Variants in RAD52 observed in about 807,000 individuals in gnomAD.
RAD52 encodes DNA repair protein RAD52 homolog.
A neutral mutation model predicts 55.5 loss-of-function variants in RAD52; 47 were observed. That is an observed-to-expected ratio of 0.85 (90% CI 0.67 to 1.08). The LOEUF (loss-of-function observed/expected upper bound fraction) is 1.08, where lower values mean the gene tolerates loss of function less well. Ranked by LOEUF, RAD52 falls within the 50% of genes least tolerant of loss-of-function variation. RAD52 has a pLI of 0.00. For synonymous variants in RAD52, 184 were observed against 198.9 expected, an observed-to-expected ratio of 0.92 and a Z score of 0.63; for missense variants, 468 against 522.8, an observed-to-expected ratio of 0.90 and a Z score of 1.02.
rs1956136520 is a variant in RAD52 at position 912,361 on chromosome 12, C to CTGTT, written c.*1026_*1029dup. The stretch of plus-strand genomic sequence containing the variant: ...CAGTGTATCTTCTTATACAAAAACT[C>CTGTT]TGTTTCATGCACAAAATTATGTGTA... On this transcript the variant is annotated 3_prime_UTR_variant, in exon 12 of 12. Coordinates refer to ENST00000358495, the MANE Select transcript of RAD52 (RefSeq NM_134424.4). The CTGTT allele has an allele frequency of 4.9e-6, 1 of 202,330 alleles. No individual in the cohort carries two copies. The highest frequency in any genetic ancestry group is 6.0e-5 in the Admixed American group (1 of 16,708). 12.5% of individuals were successfully genotyped at this position (202,330 alleles called of 1,614,324 possible).
At chr12:959,815 G>T (rs115434146) in intron 1 of RAD52, among the ~76,000 whole-genome samples, 549 of 152,292 alleles carry the variant, frequency 3.6e-3, no homozygotes, top group African/African-American at 0.013. Flanking sequence ...GTTAGGGTTG[G>T]TTGCTGGCTT....
At chr12:914,144 C>T (rs370941837) in intron 10 of RAD52, 23 bp from the exon 11 acceptor site, 26 of 1,582,422 alleles carry the variant, frequency 1.6e-5, no homozygotes, top group East Asian at 4.5e-5. Context: ...AGGAAAAGTG[C>T]GTCATCAGCA....
intron 1 of RAD52, among the ~76,000 whole-genome samples, chr12:971,049 A>G (rs541587335): frequency 2.3e-4 from 35 of 152,302 alleles, no homozygotes; most frequent in African/African-American, 7.9e-4. Context: ...GAATTTTATC[A>G]TTGCATATGC....
At chr12:971,759 T>G (rs977359670) in intron 1 of RAD52, among the ~76,000 whole-genome samples, 3 of 152,298 alleles carry the variant, frequency 2.0e-5, no homozygotes, top group African/African-American at 7.2e-5. Flanking sequence ...TTTGGAATTT[T>G]TTTTTTTTGA....
chr12:922,200 A>AAC (rs1555170803), intron 7 of RAD52, among the ~76,000 whole-genome samples: 3 of 147,236 alleles, frequency 2.0e-5, no homozygotes, highest in Admixed American at 6.8e-5. Flanking sequence ...TTAAAAAAAA[A>AAC]AAAAAAAAAA....
intron 1 of RAD52, among the ~76,000 whole-genome samples, chr12:939,711 A>G (rs978670280): frequency 1.3e-5 from 2 of 152,246 alleles, no homozygotes; most frequent in African/African-American, 4.8e-5. Flanking sequence ...ATGTTTCTCA[A>G]TCTCTCATCT....
intron 1 of RAD52, among the ~76,000 whole-genome samples, chr12:973,132 C>G (rs193114989): frequency 3.3e-5 from 5 of 151,214 alleles, no homozygotes; most frequent in African/African-American, 4.9e-5. Context: ...TGCAGTGGCG[C>G]GATCTCGGCT....
chr12:967,144 C>T (rs925354459), intron 1 of RAD52, among the ~76,000 whole-genome samples: 8 of 151,966 alleles, frequency 5.3e-5, no homozygotes, highest in African/African-American at 1.7e-4. Context: ...TTTGGAAGGC[C>T]GAGGTGGGCA....
chr12:941,340 C>T (rs1957909026), intron 1 of RAD52, among the ~76,000 whole-genome samples: 1 of 151,660 alleles, frequency 6.6e-6, no homozygotes, highest in Non-Finnish European at 1.5e-5. Flanking sequence ...TTTTTTGAGA[C>T]AGAGTTTCAC....
At chr12:944,900 T>C (rs1285068552) in intron 1 of RAD52, among the ~76,000 whole-genome samples, 1 of 151,894 alleles carries the variant, frequency 6.6e-6, no homozygotes, top group Non-Finnish European at 1.5e-5. Context: ...ACTCTGGATA[T>C]ACAGATCAAG....
chr12:945,160 G>A (rs574470730), intron 1 of RAD52, among the ~76,000 whole-genome samples: 4 of 152,006 alleles, frequency 2.6e-5, no homozygotes, highest in Admixed American at 6.6e-5. Flanking sequence ...AGACCAGCCC[G>A]GCTAACATGA....
intron 9 of RAD52, 147 bp downstream of exon 9, chr12:916,197 T>G: frequency 7.0e-7 from 1 of 1,419,652 alleles, no homozygotes; most frequent in South Asian, 1.6e-5. Flanking sequence ...TTTCCTGGGC[T>G]CATCTCTCCT....
intron 1 of RAD52, among the ~76,000 whole-genome samples, chr12:971,638 T>C (rs1057054204): frequency 6.6e-6 from 1 of 152,226 alleles, no homozygotes; most frequent in South Asian, 2.1e-4. Flanking sequence ...GATAATAAAT[T>C]TTGCTAGTCT....
At chr12:966,085 T>C (rs1460011746) in intron 1 of RAD52, among the ~76,000 whole-genome samples, 1 of 152,070 alleles carries the variant, frequency 6.6e-6, no homozygotes, top group Non-Finnish European at 1.5e-5. Flanking sequence ...CAAGCCATCC[T>C]CCCAACTCAG....
At chr12:935,833 A>G (rs1223167611) in intron 1 of RAD52, among the ~76,000 whole-genome samples, 3 of 151,206 alleles carry the variant, frequency 2.0e-5, no homozygotes, top group Non-Finnish European at 4.4e-5. Context: ...CGCCTGGGAA[A>G]CAAGAGTGAA....
In RAD52 at chr12:931,283, C is replaced by G. The variant is rs1957315738; in HGVS notation, c.123G>C (p.Lys41Asn). The change falls in exon 3 of 12, where the codon AAG (lysine) becomes AAC (asparagine). Residue 41 changes from lysine to asparagine, a missense_variant. By Grantham distance (94) the Lys-to-Asn change is moderately conservative (BLOSUM62 0). Transcript: ENST00000358495. ...CTGGGCCCAGCCTCTGCCTCAGGGC[C>G]TTCTGGATGGCCTGGTACTCTTCTG... ...YTAEEYQAIQ[K>N]ALRQRLGPEY... is the part of the protein sequence containing the mutation. The G allele has an allele frequency of 6.2e-7, 1 of 1,612,196 alleles. No individual in the cohort carries two copies. The highest frequency in any genetic ancestry group is 8.5e-7 in the Non-Finnish European group (1 of 1,179,396).
intron 1 of RAD52, among the ~76,000 whole-genome samples, chr12:987,549 A>C (rs1959102098): frequency 6.9e-6 from 1 of 145,866 alleles, no homozygotes; most frequent in Non-Finnish European, 1.5e-5. Context: ...CCCTTTGTAT[A>C]TTTATTGTTT....
chr12:913,629 C>A (rs1421943216), intron 11 of RAD52, among the ~76,000 whole-genome samples, 177 bp from the exon 12 acceptor site: 5 of 152,198 alleles, frequency 3.3e-5, no homozygotes, highest in Non-Finnish European at 7.3e-5. Flanking sequence ...TCATGACAGA[C>A]CTGCTGCTGG....
chr12:974,696 A>G (rs1403048572), intron 1 of RAD52: 5 of 152,210 alleles, frequency 3.3e-5, no homozygotes, highest in Non-Finnish European at 5.9e-5. Context: ...TAACCTCATC[A>G]AATACTTACT....
Sources: allele counts gnomAD v4.1 joint callset (sites outside exome capture counted in the v4.1 genomes callset), GRCh38; gene constraint gnomAD v4.1.1; transcripts MANE v1.5; gene names NCBI Gene and HGNC (gene_info 2026-07-23, HGNC 2026-07-21).